The following TANGO6 variants were observed in gnomAD, a reference collection of about 807,000 sequenced individuals.
TANGO6 encodes the protein transport and golgi organization 6 homolog.
A neutral mutation model predicts 114.2 loss-of-function variants in TANGO6; 90 were observed. The observed-to-expected ratio is 0.79, with a 90% CI of 0.66 to 0.94. TANGO6 has a LOEUF of 0.94. Among genes scored for constraint, TANGO6 ranks in the 40% least tolerant of loss-of-function variants. TANGO6 has a pLI of 0.00. For synonymous variants in TANGO6, 477 were observed against 509.8 expected (o/e 0.94, Z 0.87); for missense variants, 1,274 against 1,315.3 (o/e 0.97, Z 0.49).
intron 14 of TANGO6, among the ~76,000 whole-genome samples, chr16:68,939,841 C>T (rs1963333948): frequency 6.6e-6 from 1 of 152,108 alleles, no homozygotes; most frequent in Non-Finnish European, 1.5e-5. Flanking sequence ...CTTCACACAT[C>T]TCATAGTTGT....
chr16:68,902,351 T>A lies in TANGO6; in HGVS notation c.1514T>A (p.Leu505Ter). 1 of 1,610,818 alleles carries A rather than the reference T, an allele frequency of 6.2e-7. No homozygotes were observed. The highest frequency in any genetic ancestry group is 8.5e-7 in the Non-Finnish European group (1 of 1,178,744). Residue 505 changes from leucine (L) to a stop codon, truncating the protein, a stop_gained, in exon 9 of 18, where the codon TTA becomes TAA. Transcript: ENST00000261778. LOFTEE classifies it high-confidence loss of function. ...HIRSLCQEIL[L>*]WILGKLERKK... ...AGGTCACTTTGCCAAGAAATCTTAT[T>A]ATGGATTCTGGGGAAGCTGGAAAGG... is the stretch of plus-strand genomic sequence containing the variant.
At chr16:68,909,727 AG>A (rs1330096156) in intron 11 of TANGO6, 2 of 171,552 alleles carry the variant, frequency 1.2e-5, no homozygotes, top group Non-Finnish European at 2.5e-5. Flanking sequence ...ATATATTGAT[AG>A]CCAGCCCACG....
chr16:68,998,024 T>C (rs147992415), intron 15 of TANGO6, among the ~76,000 whole-genome samples: 8 of 152,346 alleles, frequency 5.3e-5, no homozygotes, highest in Non-Finnish European at 1.2e-4. Flanking sequence ...GGAAGATTCC[T>C]AAGTGTTCAA....
chr16:69,026,787 T>A (rs973973604), intron 16 of TANGO6: 2 of 152,404 alleles, frequency 1.3e-5, no homozygotes, highest in Non-Finnish European at 2.9e-5. Flanking sequence ...CTTGACTCAC[T>A]GCAGCCTCCA....
At chr16:68,868,328 T>C (rs1221470438) in intron 4 of TANGO6, among the ~76,000 whole-genome samples, 6 of 151,926 alleles carry the variant, frequency 3.9e-5, no homozygotes, top group Non-Finnish European at 7.4e-5. Flanking sequence ...TTTTATTTTT[T>C]AGAGAAAATT....
At chr16:68,924,264 A>G (rs1963136999) in intron 12 of TANGO6, among the ~76,000 whole-genome samples, 1 of 152,234 alleles carries the variant, frequency 6.6e-6, no homozygotes, top group African/African-American at 2.4e-5. Context: ...ACATCGTTAA[A>G]GATTTTCAGA....
chr16:68,920,430 C>T (rs1963073444), intron 12 of TANGO6, among the ~76,000 whole-genome samples: 1 of 152,178 alleles, frequency 6.6e-6, no homozygotes, highest in African/African-American at 2.4e-5. Flanking sequence ...ATTGTAGAGA[C>T]CAAGGGGAAG....
intron 1 of TANGO6, among the ~76,000 whole-genome samples, chr16:68,850,185 T>G (rs1268195475): frequency 1.3e-5 from 2 of 151,952 alleles, no homozygotes; most frequent in Non-Finnish European, 2.9e-5. Context: ...TGTTGACCAG[T>G]CTGGTCTCGA....
intron 7 of TANGO6, among the ~76,000 whole-genome samples, chr16:68,892,307 A>G (rs1962634046): frequency 6.6e-6 from 1 of 152,206 alleles, no homozygotes; most frequent in Admixed American, 6.5e-5. Context: ...CTCATATCAT[A>G]GCTGGCTGGA....
intron 14 of TANGO6, among the ~76,000 whole-genome samples, chr16:68,944,210 G>A (rs1302609094): frequency 6.6e-6 from 1 of 152,136 alleles, no homozygotes; most frequent in East Asian, 1.9e-4. Flanking sequence ...GCATGTCTTT[G>A]AACTTTGAGA....
intron 4 of TANGO6, 169 bp downstream of exon 4, chr16:68,867,389 C>G (rs974237760): frequency 5.5e-6 from 4 of 726,142 alleles, no homozygotes; most frequent in Non-Finnish European, 8.9e-6. Flanking sequence ...AGCTTCTTTT[C>G]CAAAGAAACT....
intron 17 of TANGO6, among the ~76,000 whole-genome samples, chr16:69,052,028 G>T (rs1004121130): frequency 3.2e-4 from 48 of 147,698 alleles, no homozygotes; most frequent in African/African-American, 1.2e-3. Context: ...GCTCACTGCA[G>T]CCTTGACCTC....
chr16:68,876,207 G>A (rs1962356309), intron 5 of TANGO6, among the ~76,000 whole-genome samples: 1 of 151,624 alleles, frequency 6.6e-6, no homozygotes, highest in Non-Finnish European at 1.5e-5. Flanking sequence ...TGTTGCCCAG[G>A]CTGGAGTACA....
chr16:69,014,911 A>AAT (rs1567558945), intron 15 of TANGO6, among the ~76,000 whole-genome samples: 1 of 151,600 alleles, frequency 6.6e-6, no homozygotes, highest in Non-Finnish European at 1.5e-5. Flanking sequence ...AAAAAAAAAA[A>AAT]GAAAAAGAAA....
chr16:69,054,534 G>A (rs1179101047), intron 17 of TANGO6, among the ~76,000 whole-genome samples: 1 of 152,072 alleles, frequency 6.6e-6, no homozygotes, highest in Non-Finnish European at 1.5e-5. Flanking sequence ...GGGTGAAAGA[G>A]GATACTATTA....
At chr16:68,874,899 G>A (rs1348929678) in intron 4 of TANGO6, among the ~76,000 whole-genome samples, 2 of 152,062 alleles carry the variant, frequency 1.3e-5, no homozygotes, top group Non-Finnish European at 2.9e-5. Context: ...GCAGTGAGCT[G>A]AGATCATGCC....
At chr16:69,017,769 A>G (rs980222765) in intron 15 of TANGO6, among the ~76,000 whole-genome samples, 2 of 152,122 alleles carry the variant, frequency 1.3e-5, no homozygotes, top group East Asian at 3.8e-4. Flanking sequence ...AGCAGGGCCA[A>G]CCCTAGAACA....
intron 14 of TANGO6, among the ~76,000 whole-genome samples, chr16:68,958,859 G>A (rs986368837): frequency 1.3e-5 from 2 of 151,682 alleles, no homozygotes; most frequent in African/African-American, 4.8e-5. Flanking sequence ...GATCATCTGA[G>A]GCCAGGAGTT....
Position 68,974,048 on chromosome 16 carries a change from G to C in TANGO6, c.2722G>C (p.Val908Leu), listed in dbSNP as rs201617054. The C allele has an allele frequency of 1.2e-6, 2 of 1,610,484 alleles. No homozygotes were observed. Among genetic ancestry groups the C allele is most frequent in the Non-Finnish European group, 8.5e-7 (1 of 1,178,468 alleles). The stretch of plus-strand genomic sequence containing the variant: ...CCCAGGGGTTGCCCTGCTGTCAGAC[G>C]TCTATCCTGAGAAAATCTTGCCGGA... ...AIQGVALLSD[V>L]YPEKILPDLL... is the part of the protein sequence containing the mutation. The change falls in exon 15 of 18, where the codon GTC (valine) becomes CTC (leucine). Residue 908 changes from valine to leucine, a missense_variant. Transcript: ENST00000261778.
Sources: allele counts gnomAD v4.1 joint callset (sites outside exome capture counted in the v4.1 genomes callset), GRCh38; gene constraint gnomAD v4.1.1; transcripts MANE v1.5; gene names NCBI Gene and HGNC (gene_info 2026-07-23, HGNC 2026-07-21).